Variants in EPYC observed in about 807,000 individuals in gnomAD.
The protein encoded by EPYC is dermatan sulfate proteoglycan 3.
Under a neutral mutation model 30.1 loss-of-function variants are expected in EPYC, and 28 were observed. The observed-to-expected ratio is 0.93, with a 90% CI of 0.69 to 1.28. The LOEUF (loss-of-function observed/expected upper bound fraction) is 1.28, where lower values mean the gene tolerates loss of function less well. Ranked by LOEUF, EPYC falls within the 50% of genes most tolerant of loss-of-function variation. EPYC has a pLI of 0.00. For synonymous variants in EPYC, 144 were observed against 141.4 expected (o/e 1.02, Z -0.13); for missense variants, 382 against 383.5 (o/e 1.00, Z 0.03).
At chr12:90,991,772 C>T (rs1877590225) in intron 2 of EPYC, among the ~76,000 whole-genome samples, 2 of 152,094 alleles carry the variant, frequency 1.3e-5, no homozygotes, top group Admixed American at 6.5e-5. Context: ...ATGGCTTAGG[C>T]ACTGGGATTT....
At chr12:90,978,959 G>A (rs1271481752) in intron 2 of EPYC, among the ~76,000 whole-genome samples, 1 of 152,074 alleles carries the variant, frequency 6.6e-6, no homozygotes, top group Admixed American at 6.6e-5. Flanking sequence ...GGACTTCTTT[G>A]AGAACGTTGA....
intron 6 of EPYC, among the ~76,000 whole-genome samples, chr12:90,965,131 CT>C (rs1876863037): frequency 6.6e-6 from 1 of 152,068 alleles, no homozygotes; most frequent in Non-Finnish European, 1.5e-5. Flanking sequence ...GTACTGAGTT[CT>C]TTCGCTTAGT....
intron 6 of EPYC, 66 bp from the exon 7 acceptor site, chr12:90,964,392 T>C (rs1920741): frequency 0.76 from 905,737 of 1,188,274 alleles, 351,860 homozygotes; most frequent in Non-Finnish European, 0.8. Context: ...GATAGCGCAG[T>C]CCACTGTGCT....
rs554273579 is a variant in EPYC, at chr12:90,971,997, A to G, written c.505T>C (p.Leu169=). Residue 169 remains leucine (L), a synonymous_variant, in exon 5 of 7, where the codon TTA becomes CTA. Coordinates refer to ENST00000261172, the MANE Select transcript of EPYC (RefSeq NM_004950.5). ...NKNDFASLSD[L]KRIDLTSNLI... The stretch of plus-strand genomic sequence containing the variant: ...TTTGATGTCAGATCAATCCTTTTTA[A>G]ATCACCTAGCAGAAAAAAATAAAGG... 35 of 1,548,750 alleles carry G rather than the reference A, an allele frequency of 2.3e-5. No individual in the cohort carries two copies. The East Asian group carries it at 7.9e-4, about 35-fold the overall frequency.
At chr12:90,973,076 C>A in intron 3 of EPYC, 96 bp from the exon 4 acceptor site, 1 of 679,102 alleles carries the variant, frequency 1.5e-6, no homozygotes, top group Non-Finnish European at 2.2e-6. Context: ...GAGTCTCCCA[C>A]TAACCAAGTA....
chr12:90,991,499 C>T (rs1304200956), intron 2 of EPYC, among the ~76,000 whole-genome samples: 1 of 152,034 alleles, frequency 6.6e-6, no homozygotes, highest in African/African-American at 2.4e-5. Context: ...TTACTTTTAG[C>T]AGATTCATAA....
At chr12:90,981,663 G>A (rs1877328650) in intron 2 of EPYC, among the ~76,000 whole-genome samples, 2 of 151,720 alleles carry the variant, frequency 1.3e-5, no homozygotes, top group Admixed American at 1.3e-4. Flanking sequence ...TTAATTTCAG[G>A]GTAAAAATAT....
chr12:90,994,760 A>C (rs1017797229), intron 2 of EPYC, among the ~76,000 whole-genome samples: 1 of 152,146 alleles, frequency 6.6e-6, no homozygotes, highest in Non-Finnish European at 1.5e-5. Flanking sequence ...TCAGCTGATA[A>C]TATTTAAATT....
chr12:90,972,700 A>C (rs912216974), intron 4 of EPYC, 122 bp downstream of exon 4: 1 of 878,734 alleles, frequency 1.1e-6, no homozygotes, highest in African/African-American at 1.7e-5. Context: ...ATAACAAAAA[A>C]CTATTGATTC....
Position 90,964,743 on chromosome 12 carries a change from G to A in EPYC, c.799-417C>T, listed in dbSNP as rs1200701430. ...AGGCACAGAGAACATCAGGTTTAGA[G>A]TCCTGAGGAATCAACATGGAATGCT... On this transcript the variant is annotated intron_variant, in intron 6 of 6. Coordinates refer to ENST00000261172, the MANE Select transcript of EPYC (RefSeq NM_004950.5). 3.9e-5 allele frequency among the ~76,000 whole-genome samples: 6 copies of A among 152,268 alleles called. No homozygotes were observed. In the East Asian group the frequency reaches 1.2e-3, roughly 29 times the overall value.
chr12:90,989,795 G>C (rs542724998), intron 2 of EPYC, among the ~76,000 whole-genome samples: 1 of 151,890 alleles, frequency 6.6e-6, no homozygotes, highest in Non-Finnish European at 1.5e-5. Flanking sequence ...TTCTACTTCA[G>C]CTTTATCCCA....
chr12:90,990,600 T>C (rs1330829983), intron 2 of EPYC, among the ~76,000 whole-genome samples: 1 of 152,108 alleles, frequency 6.6e-6, no homozygotes, highest in Non-Finnish European at 1.5e-5. Flanking sequence ...ACCTTCATCC[T>C]CTTAGTGCCA....
At chr12:90,983,029 G>T (rs1877357586) in intron 2 of EPYC, among the ~76,000 whole-genome samples, 1 of 152,064 alleles carries the variant, frequency 6.6e-6, no homozygotes, top group Admixed American at 6.6e-5. Flanking sequence ...GGATCTTATG[G>T]TAGTTCTATT....
chr12:90,998,811 A>G (rs1877755749), intron 2 of EPYC, among the ~76,000 whole-genome samples: 1 of 152,092 alleles, frequency 6.6e-6, no homozygotes, highest in South Asian at 2.1e-4. Flanking sequence ...TTCAGGCCTG[A>G]TCTGACTGGC....
chr12:90,977,260 G>A (rs1264090576), intron 3 of EPYC, among the ~76,000 whole-genome samples: 1 of 152,096 alleles, frequency 6.6e-6, no homozygotes, highest in Non-Finnish European at 1.5e-5. Context: ...AAGTATTCCA[G>A]TGTGAGTCCT....
At chr12:90,978,785 C>G (rs1384725381) in intron 2 of EPYC, among the ~76,000 whole-genome samples, 1 of 152,044 alleles carries the variant, frequency 6.6e-6, no homozygotes, top group Non-Finnish European at 1.5e-5. Context: ...TTACCAATGA[C>G]TTATACTGTC....
At chr12:90,990,985 A>G (rs1232393405) in intron 2 of EPYC, among the ~76,000 whole-genome samples, 1 of 152,134 alleles carries the variant, frequency 6.6e-6, no homozygotes, top group African/African-American at 2.4e-5. Flanking sequence ...TTTATCTTAA[A>G]TGGCCTAGAT....
At position 91,002,555 on chromosome 12, in the gene EPYC, A is replaced by G. The variant is rs533593139; in HGVS notation, c.11T>C (p.Leu4Ser). MKT[L>S]AGLVLGLVIF... ...GACAAGTCCCAGAACAAGTCCTGCT[A>G]ATGTCTTCATTTTTCAAGCTTTCCT... is the stretch of plus-strand genomic sequence containing the variant. The change falls in exon 2 of 7, where the codon TTA becomes TCA. Residue 4 changes from leucine to serine, a missense_variant. Physicochemically the swap from Leu to Ser is moderately radical, Grantham distance 145. Transcript: ENST00000261172. 1.9e-6 allele frequency: 3 copies of G among 1,605,368 alleles called. No homozygotes were observed. In the South Asian group the frequency reaches 3.4e-5, roughly 18 times the overall value.
At chr12:90,989,503 A>T (rs1379287051) in intron 2 of EPYC, among the ~76,000 whole-genome samples, 1 of 152,004 alleles carries the variant, frequency 6.6e-6, no homozygotes. Flanking sequence ...CAAGTTTAGA[A>T]CATGTACATG....
Sources: gnomAD v4.1 joint callset for allele counts (sites outside exome capture counted in the v4.1 genomes callset) on GRCh38, gnomAD v4.1.1 for gene constraint, MANE v1.5 for transcripts, NCBI Gene and HGNC (gene_info 2026-07-23, HGNC 2026-07-21) for gene names.